The following LGR4 variants were observed in gnomAD, a reference collection of about 807,000 sequenced individuals.
LGR4 encodes the protein leucine-rich repeat-containing G protein-coupled receptor 4.
LGR4 carries 44 observed loss-of-function variants against 84.8 expected under a neutral mutation model. That is an observed-to-expected ratio of 0.52 (90% CI 0.41 to 0.67). The LOEUF is 0.67. Among genes scored for constraint, LGR4 ranks in the 30% least tolerant of loss-of-function variants. The probability of loss-of-function intolerance (pLI) is 0.00; values close to 1 mark genes in which losing one functional copy is unlikely to be tolerated. For missense variants in LGR4, 1,032 were observed against 1,131.4 expected, an observed-to-expected ratio of 0.91 and a Z score of 1.26; for synonymous variants, 429 against 434.3, an observed-to-expected ratio of 0.99 and a Z score of 0.15.
At position 27,392,464 on chromosome 11, in the gene LGR4, C is replaced by T; in HGVS notation, c.312G>A (p.Leu104=). ...SFIHPKALSG[L]KELKVLTLQN... is the part of the protein sequence containing the mutation. The stretch of plus-strand genomic sequence containing the variant: ...TTACTTACAGAACTTTGAGTTCTTT[C>T]AACCCAGACAAGGCCTTTGGGTGGA... Residue 104 remains leucine (L), a synonymous_variant, in exon 3 of 18, where the codon TTG becomes TTA. Transcript: ENST00000379214. The T allele has an allele frequency of 1.9e-6, 3 of 1,591,874 alleles. No individual in the cohort carries two copies. Among genetic ancestry groups the T allele is most frequent in the South Asian group, 2.3e-5 (2 of 85,922 alleles).
intron 6 of LGR4, among the ~76,000 whole-genome samples, chr11:27,383,105 T>C (rs1031742863): frequency 6.6e-6 from 1 of 152,244 alleles, no homozygotes; most frequent in Admixed American, 6.5e-5. Context: ...TTATGAATTA[T>C]TGGGAATTTT....
chr11:27,419,729 T>C (rs909946097), intron 1 of LGR4, among the ~76,000 whole-genome samples: 1 of 151,360 alleles, frequency 6.6e-6, no homozygotes, highest in African/African-American at 2.4e-5. Context: ...GGTATGTCTA[T>C]ACAATGGAAT....
intron 7 of LGR4, among the ~76,000 whole-genome samples, chr11:27,381,212 T>G (rs187647450): frequency 6.6e-6 from 1 of 152,272 alleles, no homozygotes; most frequent in East Asian, 1.9e-4. Context: ...ATCTGTTGCT[T>G]CATCATAAAA....
In LGR4 at chr11:27,435,956, G is replaced by T. The variant is rs182104134; in HGVS notation, c.186-23096C>A. The stretch of plus-strand genomic sequence containing the variant: ...GACGGAGTCTCGCTCTGTCACCCAG[G>T]CTGGAGTGCAGTGGCGCGATCTGGG... On this transcript the variant is annotated intron_variant, in intron 1 of 17. Transcript: ENST00000379214. Among the ~76,000 whole-genome samples the T allele has an allele frequency of 7.7e-4, 117 of 151,646 alleles. 1 individual carries two copies. In the East Asian group the frequency reaches 0.017, roughly 22 times the overall value.
chr11:27,373,853 CT>C, intron 14 of LGR4, 121 bp downstream of exon 14: 1 of 1,003,718 alleles, frequency 1.0e-6, no homozygotes. Flanking sequence ...ATAAATACAG[CT>C]TAGCATTTAT....
rs1864023778 is a variant in LGR4 at position 27,426,259 on chromosome 11, T to C, written c.186-13399A>G. Reference sequence around the variant, plus strand: ...AACGACAGATTTCCTCCCTGTCTATTGCTACAACCAAATAATAACTTTACA... The same window carrying C: ...AACGACAGATTTCCTCCCTGTCTATCGCTACAACCAAATAATAACTTTACA... On this transcript the variant is annotated intron_variant, in intron 1 of 17. Transcript: ENST00000379214. 2.0e-5 allele frequency among the ~76,000 whole-genome samples: 3 copies of C among 152,328 alleles called. No individual in the cohort carries two copies. The South Asian group carries it at 6.2e-4, about 32-fold the overall frequency.
intron 2 of LGR4, among the ~76,000 whole-genome samples, chr11:27,406,327 A>G (rs775722644): frequency 4.6e-5 from 7 of 152,118 alleles, no homozygotes; most frequent in Non-Finnish European, 8.8e-5. Flanking sequence ...TGAATTTACT[A>G]TACATTGTCT....
chr11:27,435,718 C>T (rs561857570), intron 1 of LGR4, among the ~76,000 whole-genome samples: 73 of 151,804 alleles, frequency 4.8e-4, no homozygotes, highest in African/African-American at 1.7e-3. Flanking sequence ...GAACTCCTGA[C>T]CTCAAGTGAT....
chr11:27,429,404 A>G (rs1013003448), intron 1 of LGR4, among the ~76,000 whole-genome samples: 17 of 151,766 alleles, frequency 1.1e-4, no homozygotes, highest in African/African-American at 4.1e-4. Flanking sequence ...AGAATCACGA[A>G]CCCTGGAGGC....
intron 1 of LGR4, among the ~76,000 whole-genome samples, chr11:27,436,141 G>A (rs1187824396): frequency 1.3e-5 from 2 of 151,948 alleles, no homozygotes; most frequent in East Asian, 3.9e-4. Context: ...TCGATCTCCT[G>A]ACCTCGTGAT....
At chr11:27,409,442 C>T (rs986474938) in intron 2 of LGR4, among the ~76,000 whole-genome samples, 2 of 152,100 alleles carry the variant, frequency 1.3e-5, no homozygotes, top group African/African-American at 4.8e-5. Flanking sequence ...AAGCTCTAAA[C>T]ACATACTATT....
chr11:27,379,708 A>G (rs1353422653), intron 10 of LGR4, among the ~76,000 whole-genome samples: 2 of 152,046 alleles, frequency 1.3e-5, no homozygotes, highest in Non-Finnish European at 2.9e-5. Context: ...TGCACAGACC[A>G]CTCACTGGGA....
intron 2 of LGR4, among the ~76,000 whole-genome samples, chr11:27,406,878 T>C (rs1056316533): frequency 3.9e-5 from 6 of 152,130 alleles, no homozygotes; most frequent in Admixed American, 3.3e-4. Flanking sequence ...GAAAGCTGCA[T>C]CAAGGGAGTA....
At chr11:27,388,076 C>T (rs1863218578) in intron 4 of LGR4, among the ~76,000 whole-genome samples, 1 of 152,142 alleles carries the variant, frequency 6.6e-6, no homozygotes, top group Non-Finnish European at 1.5e-5. Context: ...ATACAATTTC[C>T]TCCGTACTAA....
At chr11:27,393,520 A>G (rs1311458451) in intron 2 of LGR4, among the ~76,000 whole-genome samples, 1 of 152,064 alleles carries the variant, frequency 6.6e-6, no homozygotes, top group Non-Finnish European at 1.5e-5. Flanking sequence ...TTCCTCTGTT[A>G]AAATTTATAA....
intron 1 of LGR4, among the ~76,000 whole-genome samples, chr11:27,468,446 C>T (rs928881223): frequency 6.6e-6 from 1 of 152,154 alleles, no homozygotes; most frequent in Non-Finnish European, 1.5e-5. Context: ...GTCTCCATGG[C>T]AAATTTCCTA....
chr11:27,463,067 C>CAAAAAAAAAAAA (rs35718980), intron 1 of LGR4, among the ~76,000 whole-genome samples: 1 of 51,036 alleles, frequency 2.0e-5, no homozygotes, highest in African/African-American at 9.2e-5. Flanking sequence ...ACCCTGTCTC[C>CAAAAAAAAAAAA]AAAAAAAAAA....
At chr11:27,413,231 G>T (rs1005576886) in intron 1 of LGR4, among the ~76,000 whole-genome samples, 5 of 152,008 alleles carry the variant, frequency 3.3e-5, no homozygotes, top group Admixed American at 2.0e-4. Flanking sequence ...ACGATATGTA[G>T]AATTTATAGG....
chr11:27,373,934 G>A (rs962849949), intron 14 of LGR4, 41 bp downstream of exon 14: 1 of 1,346,322 alleles, frequency 7.4e-7, no homozygotes, highest in Admixed American at 1.7e-5. Flanking sequence ...TATAGCACTA[G>A]TTACTACTTT....
Sources: gnomAD v4.1 joint callset for allele counts (sites outside exome capture counted in the v4.1 genomes callset) on GRCh38, gnomAD v4.1.1 for gene constraint, MANE v1.5 for transcripts, NCBI Gene and HGNC (gene_info 2026-07-23, HGNC 2026-07-21) for gene names.